The following OTOG variants were observed in gnomAD, a reference collection of about 807,000 sequenced individuals.
The protein encoded by OTOG is otogelin.
Under a neutral mutation model 313.8 loss-of-function variants are expected in OTOG, and 296 were observed. The ratio of observed to expected loss-of-function variants is 0.94; its 90% CI spans 0.86 to 1.04. The LOEUF is 1.04. Among genes scored for constraint, OTOG ranks in the 50% least tolerant of loss-of-function variants. The probability of loss-of-function intolerance (pLI) is 0.00; values close to 1 mark genes in which losing one functional copy is unlikely to be tolerated. For missense variants in OTOG, 3,948 were observed against 3,840.1 expected (o/e 1.03, Z -0.74); for synonymous variants, 1,533 against 1,554.9 (o/e 0.99, Z 0.33).
intron 54 of OTOG, among the ~76,000 whole-genome samples, chr11:17,644,785 T>C (rs954228766): frequency 1.3e-5 from 2 of 152,132 alleles, no homozygotes; most frequent in African/African-American, 4.8e-5. Flanking sequence ...TAATTACCGA[T>C]GTGTCTCTGA....
At chr11:17,571,073 G>A (rs553087266) in intron 17 of OTOG, among the ~76,000 whole-genome samples, 2 of 152,338 alleles carry the variant, frequency 1.3e-5, no homozygotes, top group African/African-American at 4.8e-5. Context: ...CCACACATTA[G>A]GGGATGCAGA....
At position 17,632,145 on chromosome 11, in the gene OTOG, C is replaced by T. The variant is rs1006324874; in HGVS notation, c.6991C>T (p.Pro2331Ser). Reference sequence around the variant, plus strand: ...CCGGGACACCAAGTACGTGCAGCAGCCCTGCGTGGCCCTGACTGTGTACGT... The same window carrying T: ...CCGGGACACCAAGTACGTGCAGCAGTCCTGCGTGGCCCTGACTGTGTACGT... Reference protein sequence around the residue: ...WIRDTKYVQQPCVALTVYVAM... With the variant: ...WIRDTKYVQQSCVALTVYVAM... Residue 2331 changes from proline to serine, a missense_variant, in exon 42 of 56, where the codon CCC becomes TCC. By Grantham distance (74) the Pro-to-Ser change is moderately conservative. Coordinates refer to ENST00000399397, the MANE Select transcript of OTOG (RefSeq NM_001292063.2). 1.9e-6 allele frequency: 3 copies of T among 1,551,038 alleles called. No individual in the cohort carries two copies. Among genetic ancestry groups the T allele is most frequent in the South Asian group, 1.2e-5 (1 of 84,056 alleles).
At chr11:17,633,621 T>C in intron 42 of OTOG, 59 bp from the exon 43 acceptor site, 1 of 1,443,800 alleles carries the variant, frequency 6.9e-7, no homozygotes, top group Admixed American at 2.6e-5. Context: ...CTTTCGGCCC[T>C]CAGTGGGGAG....
intron 13 of OTOG, 81 bp from the exon 14 acceptor site, chr11:17,561,010 G>A (rs1244239685): frequency 1.4e-6 from 2 of 1,458,244 alleles, no homozygotes; most frequent in Non-Finnish European, 1.9e-6. Context: ...GAAGACTGAG[G>A]GCTGTGGGCC....
intron 47 of OTOG, among the ~76,000 whole-genome samples, chr11:17,637,458 G>A (rs1189279122): frequency 1.3e-5 from 2 of 152,096 alleles, no homozygotes; most frequent in Non-Finnish European, 1.5e-5. Flanking sequence ...GAGAGTTCCC[G>A]CTTCTGGACT....
rs755471073 is a variant in OTOG at position 17,610,576 on chromosome 11, C to T, written c.5276C>T (p.Ala1759Val). The change falls in exon 36 of 56, where the codon GCC (alanine) becomes GTC (valine). Residue 1759 changes from alanine to valine, a missense_variant. Transcript: ENST00000399397. ...CGCCCAGCCCAGCATACCACCATGGCCACCAGGTCTCCAGCTCTGCCCCCA... is the reference window on the plus strand; with the variant it reads ...CGCCCAGCCCAGCATACCACCATGGTCACCAGGTCTCCAGCTCTGCCCCCA... ...PPRPAQHTTM[A>V]TRSPALPPET... is the part of the protein sequence containing the mutation. 2.8e-5 allele frequency: 44 copies of T among 1,550,472 alleles called. No individual in the cohort carries two copies. Among genetic ancestry groups the T allele is most frequent in the Admixed American group, 1.4e-4 (7 of 50,974 alleles).
chr11:17,612,494 C>T (rs1853585915), intron 37 of OTOG, 126 bp from the exon 38 acceptor site: 3 of 1,384,258 alleles, frequency 2.2e-6, no homozygotes, highest in Middle Eastern at 2.6e-4. Context: ...GTGGTCTGAG[C>T]CACCCTCCAG....
intron 32 of OTOG, among the ~76,000 whole-genome samples, 184 bp downstream of exon 32, chr11:17,602,561 A>T (rs552309833): frequency 3.9e-5 from 6 of 152,072 alleles, no homozygotes; most frequent in Non-Finnish European, 7.4e-5. Flanking sequence ...GATGCTCTCC[A>T]TCTGCTCCCC....
Position 17,592,146 on chromosome 11 carries a change from T to C in OTOG, c.3006+558T>C, listed in dbSNP as rs529487263. ...ACCTGGAGGAAGAAAACTGGTGATG[T>C]GGGGGGCACAGTGAAGGCAGGATCC... On this transcript the variant is annotated intron_variant, in intron 25 of 55. Transcript: ENST00000399397. Among the ~76,000 whole-genome samples, 4 of 152,164 alleles carry C rather than the reference T, an allele frequency of 2.6e-5. No homozygotes were observed. The East Asian group carries it at 7.7e-4, about 29-fold the overall frequency.
At position 17,547,380 on chromosome 11, in the gene OTOG, T is replaced by A; in HGVS notation, c.8T>A (p.Val3Asp). Residue 3 changes from valine to aspartate, a missense_variant, in exon 1 of 56, where the codon GTC (valine) becomes GAC (aspartate). Physicochemically the swap from Val to Asp is radical, Grantham distance 152 (BLOSUM62 -3). Transcript: ENST00000399397. MG[V>D]LASALCWLLC... is the part of the protein sequence containing the mutation. ...CGGTCCCCTCGTGTCCCTATGGGAG[T>A]CCTGGCGTCTGCGCTCTGCTGGCTG... 11 of 1,400,102 alleles carry A rather than the reference T, an allele frequency of 7.9e-6. No individual in the cohort carries two copies. The highest frequency in any genetic ancestry group is 1.0e-5 in the Non-Finnish European group (11 of 1,082,988). 86.7% of individuals were successfully genotyped at this position (1,400,102 alleles called of 1,614,324 possible).
intron 39 of OTOG, among the ~76,000 whole-genome samples, chr11:17,616,140 G>A (rs943404901): frequency 2.0e-5 from 3 of 151,908 alleles, no homozygotes; most frequent in African/African-American, 7.3e-5. Flanking sequence ...GCTTACTGCA[G>A]CCTCGATCTC....
chr11:17,639,072 T>C (rs11820243), intron 48 of OTOG: 7,382 of 336,860 alleles, frequency 0.022, 496 homozygotes, highest in African/African-American at 0.14. Flanking sequence ...TAAAATAAAA[T>C]AAATAAAAAG....
chr11:17,581,769 A>G (rs1852672645), intron 23 of OTOG, among the ~76,000 whole-genome samples: 1 of 152,176 alleles, frequency 6.6e-6, no homozygotes, highest in African/African-American at 2.4e-5. Context: ...TTGGCGCCCT[A>G]TATATTCCCT....
intron 37 of OTOG, 138 bp from the exon 38 acceptor site, chr11:17,612,482 G>A (rs1427538641): frequency 4.3e-6 from 6 of 1,383,072 alleles, no homozygotes; most frequent in Non-Finnish European, 5.8e-6. Context: ...TCTGTGTGAT[G>A]CGTGGTCTGA....
chr11:17,603,153 T>G (rs1853296036), intron 32 of OTOG, among the ~76,000 whole-genome samples: 1 of 152,164 alleles, frequency 6.6e-6, no homozygotes, highest in Admixed American at 6.5e-5. Context: ...ATAGGTGATG[T>G]TCACGGTGGT....
chr11:17,570,104 C>A, intron 16 of OTOG, 109 bp from the exon 17 acceptor site: 1 of 1,028,784 alleles, frequency 9.7e-7, no homozygotes, highest in South Asian at 1.6e-5. Flanking sequence ...AGGCAGGGGG[C>A]GAAGACTGGG....
chr11:17,611,000 T>C lies in OTOG; in HGVS notation c.5700T>C (p.Val1900=). The C allele has an allele frequency of 6.4e-7, 1 of 1,550,550 alleles. No homozygotes were observed. The highest frequency in any genetic ancestry group is 2.4e-5 in the East Asian group (1 of 40,908). Residue 1900 remains valine (V), a synonymous_variant, in exon 36 of 56, where the codon GTT becomes GTC. Transcript: ENST00000399397. ...AGGGCACGGCCTCCATGGTATCTGT[T>C]GTCCCACGAAAGAGCACCACAGGGA... The part of the protein sequence containing the change: ...VAEGTASMVS[V]VPRKSTTGKV...
intron 1 of OTOG, 26 bp from the exon 2 acceptor site, chr11:17,547,901 G>A: frequency 4.4e-6 from 2 of 452,370 alleles, no homozygotes; most frequent in Non-Finnish European, 7.8e-6. Flanking sequence ...AGCACAATTT[G>A]AGTGGAGAAT....
At position 17,606,056 on chromosome 11, in the gene OTOG, T is replaced by C; in HGVS notation, c.4077T>C (p.Tyr1359=). 1.3e-6 allele frequency: 2 copies of C among 1,550,488 alleles called. No homozygotes were observed. Among genetic ancestry groups the C allele is most frequent in the Non-Finnish European group, 1.7e-6 (2 of 1,146,968 alleles). Residue 1359 remains tyrosine, a synonymous_variant, in exon 33 of 56, where the codon TAT becomes TAC. Coordinates refer to ENST00000399397, the MANE Select transcript of OTOG (RefSeq NM_001292063.2). ...ESLAKPSSFL[Y]VSGAVLALRL... The stretch of plus-strand genomic sequence containing the variant: ...TGGCCAAGCCCAGCTCCTTCCTCTA[T>C]GTGTCGGGCGCGGTGCTGGCCCTGC...
Sources: gnomAD v4.1 joint callset for allele counts (sites outside exome capture counted in the v4.1 genomes callset) on GRCh38, gnomAD v4.1.1 for gene constraint, MANE v1.5 for transcripts, NCBI Gene and HGNC (gene_info 2026-07-23, HGNC 2026-07-21) for gene names.